Variants in RIMBP2 observed in about 807,000 individuals in gnomAD.
RIMBP2 encodes RIMS binding protein 2.
RIMBP2 carries 48 observed loss-of-function variants against 118.6 expected under a neutral mutation model. That is an observed-to-expected ratio of 0.40 (90% CI 0.32 to 0.51). RIMBP2 has a LOEUF of 0.51. RIMBP2 is among the 20% of genes least tolerant of loss of function. The pLI, the probability that RIMBP2 is intolerant of heterozygous loss-of-function variation, is 0.41. For synonymous variants in RIMBP2, 762 were observed against 742.9 expected (o/e 1.03, Z -0.42); for missense variants, 1,551 against 1,768.3 (o/e 0.88, Z 2.20).
chr12:130,513,730 A>AC (rs2138977784), intron 3 of RIMBP2, among the ~76,000 whole-genome samples: 1 of 152,322 alleles, frequency 6.6e-6, no homozygotes, highest in South Asian at 2.1e-4. Flanking sequence ...CACAGTTTGC[A>AC]CCTAAGAACC....
At chr12:130,552,878 C>T (rs2055946296) in intron 2 of RIMBP2, among the ~76,000 whole-genome samples, 4 of 152,076 alleles carry the variant, frequency 2.6e-5, no homozygotes, top group Admixed American at 2.0e-4. Context: ...GGTCGCCGGG[C>T]GTGGTGGCTC....
chr12:130,642,752 T>A, intron 1 of RIMBP2, among the ~76,000 whole-genome samples: 1 of 152,180 alleles, frequency 6.6e-6, no homozygotes, highest in East Asian at 1.9e-4. Context: ...ACCTTATAAG[T>A]CAAGTCCCAT....
At chr12:130,474,115 G>A (rs991362182) in intron 5 of RIMBP2, among the ~76,000 whole-genome samples, 18 of 152,156 alleles carry the variant, frequency 1.2e-4, no homozygotes, top group African/African-American at 3.1e-4. Context: ...GAGCGCAGCC[G>A]GACCCCAGGC....
At chr12:130,498,802 C>T (rs1310386252) in intron 4 of RIMBP2, among the ~76,000 whole-genome samples, 5 of 152,210 alleles carry the variant, frequency 3.3e-5, no homozygotes, top group East Asian at 3.8e-4. Context: ...ACTTCAGTTG[C>T]CATCTGAGCG....
chr12:130,522,954 CTCTT>C (rs1226341639), intron 2 of RIMBP2, among the ~76,000 whole-genome samples: 1 of 151,978 alleles, frequency 6.6e-6, no homozygotes, highest in Non-Finnish European at 1.5e-5. Flanking sequence ...CTGCCTGCCT[CTCTT>C]TCCCCCTCTC....
chr12:130,684,175 A>T (rs2064940349), intron 1 of RIMBP2, among the ~76,000 whole-genome samples: 1 of 152,162 alleles, frequency 6.6e-6, no homozygotes, highest in Non-Finnish European at 1.5e-5. Flanking sequence ...TCTTCAGATG[A>T]ACTCATTCAA....
chr12:130,615,982 G>A (rs924649799), intron 2 of RIMBP2, among the ~76,000 whole-genome samples: 8 of 152,078 alleles, frequency 5.3e-5, no homozygotes, highest in South Asian at 4.2e-4. Flanking sequence ...GGACAACAGC[G>A]TTTGCTTTTT....
At chr12:130,541,220 T>C (rs2054574279) in intron 2 of RIMBP2, among the ~76,000 whole-genome samples, 1 of 152,206 alleles carries the variant, frequency 6.6e-6, no homozygotes, top group Non-Finnish European at 1.5e-5. Flanking sequence ...TCTCATCTTC[T>C]TCCCTCACTT....
Position 130,422,798 on chromosome 12 carries a change from T to G in RIMBP2, c.3130-237A>C, listed in dbSNP as rs1325259731. On this transcript the variant is annotated intron_variant, in intron 16 of 22. Transcript: ENST00000690449. This position sits in a 1 kb window ranked among gnomAD's most constrained non-coding sequence, Gnocchi z 5.2. Reference sequence around the variant, plus strand: ...GGGTGAGGGCAAAAATAATTCCTTGTGGGGGGGTCTCTTTTGGTTGCTGCT... The same window carrying G: ...GGGTGAGGGCAAAAATAATTCCTTGGGGGGGGGTCTCTTTTGGTTGCTGCT... 1.3e-5 allele frequency among the ~76,000 whole-genome samples: 2 copies of G among 152,046 alleles called. No homozygotes were observed. Among genetic ancestry groups the G allele is most frequent in the East Asian group, 3.9e-4 (2 of 5,186 alleles).
Position 130,480,198 on chromosome 12 carries a change from T to C in RIMBP2, c.-3-1182A>G, listed in dbSNP as rs578157102. On this transcript the variant is annotated intron_variant, in intron 4 of 22. Coordinates refer to ENST00000690449, the MANE Select transcript of RIMBP2 (RefSeq NM_001393629.1). The stretch of plus-strand genomic sequence containing the variant: ...AGAATTTCATTGTCATTTCCTTTCA[T>C]ACACACACACACACACACACACACA... 5.5e-5 allele frequency among the ~76,000 whole-genome samples: 7 copies of C among 128,180 alleles called. 1 individual carries two copies. The highest frequency in any genetic ancestry group is 2.4e-4 in the South Asian group (1 of 4,178). 84.1% of individuals were successfully genotyped at this position (128,180 alleles called of 152,430 possible).
chr12:130,466,269 T>G (rs2080471782), intron 6 of RIMBP2: 1 of 152,326 alleles, frequency 6.6e-6, no homozygotes, highest in Non-Finnish European at 1.5e-5. Flanking sequence ...CTCCCTGCTC[T>G]CAGGTTCTTA....
rs768725866 is a variant in RIMBP2, at chr12:130,437,109, T to C, written c.1839A>G (p.Ala613=). 2 of 1,578,120 alleles carry C rather than the reference T, an allele frequency of 1.3e-6. No individual in the cohort carries two copies. The change falls in exon 13 of 23, where the codon GCA becomes GCG. Residue 613 remains alanine (A), a synonymous_variant. Transcript: ENST00000690449. Reference sequence around the variant, plus strand: ...AACTTGCTAATGGCTTTGATTGGGGTGCAGGTCTCGGGTGGGGGGTAGGAG... The same window carrying C: ...AACTTGCTAATGGCTTTGATTGGGGCGCAGGTCTCGGGTGGGGGGTAGGAG... ...LVPPTPHPRP[A]PQSKPLASSG... is the part of the protein sequence containing the mutation.
At chr12:130,495,463 C>G (rs922055501) in intron 4 of RIMBP2, among the ~76,000 whole-genome samples, 1 of 152,224 alleles carries the variant, frequency 6.6e-6, no homozygotes, top group Non-Finnish European at 1.5e-5. Context: ...GCAGGGTGCC[C>G]TGCGCTCCCC....
intron 14 of RIMBP2, among the ~76,000 whole-genome samples, chr12:130,433,823 AC>A (rs2077315565): frequency 6.6e-6 from 1 of 152,212 alleles, no homozygotes; most frequent in South Asian, 2.1e-4. Context: ...CCCCTGACAC[AC>A]TGAGAGCCAA....
chr12:130,543,211 A>G lies in RIMBP2; in HGVS notation c.-216-25294T>C, dbSNP rs571276500. Among the ~76,000 whole-genome samples, 73 of 152,324 alleles carry G rather than the reference A, an allele frequency of 4.8e-4. No homozygotes were observed. In the South Asian group the frequency reaches 0.015, roughly 31 times the overall value. On this transcript the variant is annotated intron_variant, in intron 2 of 22. Coordinates refer to ENST00000690449, the MANE Select transcript of RIMBP2 (RefSeq NM_001393629.1). Reference sequence around the variant, plus strand: ...ATTTCCTCACACCCTTGTCAACATCAGCATTAGCATTCTTTAAACTATTGA... The same window carrying G: ...ATTTCCTCACACCCTTGTCAACATCGGCATTAGCATTCTTTAAACTATTGA...
chr12:130,532,384 C>T (rs902149925), intron 2 of RIMBP2, among the ~76,000 whole-genome samples: 4 of 149,194 alleles, frequency 2.7e-5, no homozygotes, highest in Non-Finnish European at 4.4e-5. Flanking sequence ...TAATGAGATG[C>T]GTGTGTTTAG....
chr12:130,667,091 G>GAGGA (rs2063971914), intron 1 of RIMBP2, among the ~76,000 whole-genome samples: 1 of 62,122 alleles, frequency 1.6e-5, no homozygotes, highest in South Asian at 5.2e-4. Context: ...AATGAGGGAG[G>GAGGA]GAGGATGGGA....
chr12:130,413,671 A>G (rs1334014256), intron 18 of RIMBP2, among the ~76,000 whole-genome samples: 1 of 148,394 alleles, frequency 6.7e-6, no homozygotes, highest in African/African-American at 2.5e-5. Flanking sequence ...CTGGGTACCA[A>G]AGGGATAGGA....
In RIMBP2 at chr12:130,699,349, C is replaced by T. The variant is rs538549090; in HGVS notation, c.-352+16873G>A. Among the ~76,000 whole-genome samples, 379 of 152,160 alleles carry T rather than the reference C, an allele frequency of 2.5e-3. 2 individuals carry two copies. Among genetic ancestry groups the T allele is most frequent in the African/African-American group, 8.5e-3 (352 of 41,526 alleles). On this transcript the variant is annotated intron_variant, in intron 1 of 22. Transcript: ENST00000690449. ...AACCCAAATGTCCAACAACAATAGA[C>T]TGGATTAAGAAAATGTGGCACGTAT...
Sources: gnomAD v4.1 joint callset for allele counts (sites outside exome capture counted in the v4.1 genomes callset) on GRCh38, gnomAD v4.1.1 for gene constraint, Gnocchi (gnomAD v3.1) non-coding constraint, MANE v1.5 for transcripts, NCBI Gene and HGNC (gene_info 2026-07-23, HGNC 2026-07-21) for gene names.